The following ZHX3 variants were observed in gnomAD, a reference collection of about 807,000 sequenced individuals.
ZHX3 encodes the protein zinc fingers and homeoboxes 3, also known as zinc fingers and homeoboxes protein 3.
ZHX3 carries 20 observed loss-of-function variants against 64.5 expected under a neutral mutation model. The observed-to-expected ratio is 0.31, with a 90% CI of 0.22 to 0.45. The LOEUF (loss-of-function observed/expected upper bound fraction) is 0.45. ZHX3 is among the 20% of genes least tolerant of loss of function. ZHX3 has a pLI of 1.00. For synonymous variants in ZHX3, 423 were observed against 461.6 expected (o/e 0.92, Z 1.07); for missense variants, 1,041 against 1,195.8 (o/e 0.87, Z 1.91).
At chr20:41,305,955 T>G (rs149162826) in intron 1 of ZHX3, among the ~76,000 whole-genome samples, 1 of 152,272 alleles carries the variant, frequency 6.6e-6, no homozygotes, top group East Asian at 1.9e-4. Context: ...TATATTGTGG[T>G]ATGTATTGTA....
Position 41,195,961 on chromosome 20 carries a change from A to G in ZHX3, c.2860+6096T>C, listed in dbSNP as rs2037448286. Among the ~76,000 whole-genome samples, 1 of 152,046 alleles carries G rather than the reference A, an allele frequency of 6.6e-6. No homozygotes were observed. On this transcript the variant is annotated intron_variant, in intron 3 of 3. Transcript: ENST00000683867. The surrounding 1 kb of genome is among the most constrained non-coding windows in gnomAD (Gnocchi z 4.2). ...ACTGTAACTGGAATGTACTCTGTAT[A>G]ATCTCAGTTTTTAAAAATGTATTAA...
intron 2 of ZHX3, among the ~76,000 whole-genome samples, chr20:41,209,309 T>A (rs940609726): frequency 6.6e-6 from 1 of 152,152 alleles, no homozygotes; most frequent in South Asian, 2.1e-4. Context: ...AAGCTACCAA[T>A]GACTTTCTTC....
chr20:41,204,297 G>C lies in ZHX3; in HGVS notation c.620C>G (p.Pro207Arg). The C allele has an allele frequency of 6.2e-7, 1 of 1,614,192 alleles. No homozygotes were observed. The highest frequency in any genetic ancestry group is 2.2e-5 in the East Asian group (1 of 44,878). ...KKIHTLKENV[P>R]SQPVGEALPK... ...TAAGGCCTCACCCACAGGCTGGCTAGGGACATTCTCCTTGAGTGTATGAAT... is the reference window on the plus strand; with the variant it reads ...TAAGGCCTCACCCACAGGCTGGCTACGGACATTCTCCTTGAGTGTATGAAT... Residue 207 changes from proline (P) to arginine (R), a missense_variant, in exon 3 of 4, where the codon CCT becomes CGT. Transcript: ENST00000683867. The surrounding 1 kb of genome is among the most constrained non-coding windows in gnomAD (Gnocchi z 6.6).
chr20:41,306,275 T>C (rs1306464806), intron 1 of ZHX3, among the ~76,000 whole-genome samples: 3 of 152,258 alleles, frequency 2.0e-5, no homozygotes, highest in Non-Finnish European at 4.4e-5. Flanking sequence ...TACTCCCAAC[T>C]ATATTTGCAT....
chr20:41,261,283 A>C (rs2042550376), intron 2 of ZHX3, among the ~76,000 whole-genome samples: 1 of 152,212 alleles, frequency 6.6e-6, no homozygotes, highest in Non-Finnish European at 1.5e-5. Flanking sequence ...GAAATGAGAC[A>C]ATCTAAGATA....
chr20:41,300,811 C>A (rs1025499547), intron 1 of ZHX3, among the ~76,000 whole-genome samples: 2 of 152,126 alleles, frequency 1.3e-5, no homozygotes, highest in Non-Finnish European at 2.9e-5. Context: ...CATTTCAGGG[C>A]TGGCCTAAGG....
At chr20:41,252,933 C>A (rs921701924) in intron 2 of ZHX3, among the ~76,000 whole-genome samples, 1 of 152,232 alleles carries the variant, frequency 6.6e-6, no homozygotes, top group Non-Finnish European at 1.5e-5. Context: ...AATTAACAGT[C>A]GACAGGACAT....
rs2038403500 is a variant in ZHX3, at chr20:41,203,238, G to GCCC, written c.1678_1679insGGG (p.Pro560delinsArgAla). ...AATGATGATGGAACTGTGATCTCCA[G>GCCC]GTATCATCGCTCTGGAGCCCTTCAA... On this transcript the variant is annotated protein_altering_variant, in exon 3 of 4. Transcript: ENST00000683867. The surrounding 1 kb of genome is among the most constrained non-coding windows in gnomAD (Gnocchi z 7.1). The GCCC allele has an allele frequency of 6.2e-7, 1 of 1,614,034 alleles. No individual in the cohort carries two copies. Among genetic ancestry groups the GCCC allele is most frequent in the African/African-American group, 1.3e-5 (1 of 74,900 alleles).
chr20:41,258,792 A>G (rs988052151), intron 2 of ZHX3, among the ~76,000 whole-genome samples: 1 of 152,096 alleles, frequency 6.6e-6, no homozygotes, highest in Non-Finnish European at 1.5e-5. Flanking sequence ...CTTTATAGTT[A>G]ATTAACACGT....
chr20:41,248,873 G>A (rs952193890), intron 2 of ZHX3, among the ~76,000 whole-genome samples: 6 of 152,184 alleles, frequency 3.9e-5, no homozygotes, highest in African/African-American at 1.4e-4. Flanking sequence ...CCCCCTGACA[G>A]TGTTTTTGCA....
Position 41,183,409 on chromosome 20 carries a change from T to C in ZHX3, c.*1782A>G, listed in dbSNP as rs568807389. On this transcript the variant is annotated 3_prime_UTR_variant, in exon 4 of 4. Transcript: ENST00000683867. The surrounding 1 kb of genome is among the most constrained non-coding windows in gnomAD (Gnocchi z 5.3). ...TGAGACAAATAAGATGTGGTCCCTA[T>C]TGGGACAGGGAGGGCAGAAGATGAC... is the stretch of plus-strand genomic sequence containing the variant. The C allele has an allele frequency of 3.2e-4, 49 of 152,320 alleles. No individual in the cohort carries two copies. The highest frequency in any genetic ancestry group is 1.2e-3 in the African/African-American group (48 of 41,570). 9.4% of individuals were successfully genotyped at this position (152,320 alleles called of 1,614,324 possible).
At chr20:41,196,475 T>TATATATTATAAA (rs71309661) in intron 3 of ZHX3, among the ~76,000 whole-genome samples, 4 of 37,110 alleles carry the variant, frequency 1.1e-4, no homozygotes, top group Admixed American at 4.9e-4. Context: ...TAATATATAT[T>TATATATTATAAA]TATATATTAT....
At position 41,202,285 on chromosome 20, in the gene ZHX3, G is replaced by C. The variant is rs947605617; in HGVS notation, c.2632C>G (p.Gln878Glu). The change falls in exon 3 of 4, where the codon CAG becomes GAG. Residue 878 changes from glutamine to glutamate, a missense_variant. Coordinates refer to ENST00000683867, the MANE Select transcript of ZHX3 (RefSeq NM_001384317.1). The surrounding 1 kb of genome is among the most constrained non-coding windows in gnomAD (Gnocchi z 7.0). ...TTCTCAGCAAACCACTGCTTGACCTGCTGGGAGCTCATCTGGGTCTTGTCA... is the reference window on the plus strand; with the variant it reads ...TTCTCAGCAAACCACTGCTTGACCTCCTGGGAGCTCATCTGGGTCTTGTCA... ...LCDKTQMSSQ[Q>E]VKQWFAEKMG... 3.7e-6 allele frequency: 6 copies of C among 1,614,016 alleles called. No individual in the cohort carries two copies. Among genetic ancestry groups the C allele is most frequent in the Non-Finnish European group, 5.1e-6 (6 of 1,180,028 alleles).
rs1229754351 is a variant in ZHX3, at chr20:41,298,951, A to C, written c.-245+18558T>G. Among the ~76,000 whole-genome samples, 4 of 144,694 alleles carry C rather than the reference A, an allele frequency of 2.8e-5. No individual in the cohort carries two copies. In the East Asian group the frequency reaches 7.8e-4, roughly 28 times the overall value. The allele number at this position is 144,694 out of a possible 152,430, so 94.9% of individuals were successfully genotyped here. A position where few individuals can be genotyped will look rare whatever the true frequency, so the allele number is the denominator to read the frequency against. On this transcript the variant is annotated intron_variant, in intron 1 of 3. Transcript: ENST00000683867. ...CTATGAGGAAGACTGTTCTTGTGCT[A>C]ACCAAGAGGTGTCCCCTACGTAAGA...
intron 2 of ZHX3, among the ~76,000 whole-genome samples, chr20:41,259,008 C>T (rs6129786): frequency 6.6e-6 from 1 of 151,430 alleles, no homozygotes; most frequent in Non-Finnish European, 1.5e-5. Flanking sequence ...TAAAAAAAAA[C>T]CACATTTTCA....
Position 41,219,143 on chromosome 20 carries a change from A to G in ZHX3, c.-150-14077T>C, listed in dbSNP as rs1021431868. Among the ~76,000 whole-genome samples, 1 of 150,340 alleles carries G rather than the reference A, an allele frequency of 6.7e-6. No homozygotes were observed. Reference sequence around the variant, plus strand: ...ACGGGTTTTCACCGTGTTAGCGAGCATGGTCTCGATCTCCTGACCTCGTGA... The same window carrying G: ...ACGGGTTTTCACCGTGTTAGCGAGCGTGGTCTCGATCTCCTGACCTCGTGA... On this transcript the variant is annotated intron_variant, in intron 2 of 3. Transcript: ENST00000683867. This position sits in a 1 kb window ranked among gnomAD's most constrained non-coding sequence, Gnocchi z 5.0.
chr20:41,268,737 A>C (rs2042983911), intron 2 of ZHX3, among the ~76,000 whole-genome samples: 1 of 152,256 alleles, frequency 6.6e-6, no homozygotes, highest in Non-Finnish European at 1.5e-5. Flanking sequence ...CCTATAACAG[A>C]TTCCTATCAG....
In ZHX3 at chr20:41,185,425, TGAGAGA is replaced by T. The variant is rs1453557903; in HGVS notation, c.2861-230_2861-225del. ...AACCTTGTAAGGCCATCAGACTCTC[TGAGAGA>T]CCCTGCTAAACCCTAGGCCTAGCAG... On this transcript the variant is annotated intron_variant, in intron 3 of 3. Transcript: ENST00000683867. The surrounding 1 kb of genome is among the most constrained non-coding windows in gnomAD (Gnocchi z 5.0). The T allele has an allele frequency of 1.6e-6, 1 of 609,110 alleles. No homozygotes were observed. Among genetic ancestry groups the T allele is most frequent in the African/African-American group, 1.9e-5 (1 of 53,996 alleles). The allele number at this position is 609,110 out of a possible 1,614,324, so 37.7% of individuals were successfully genotyped here. A position where few individuals can be genotyped will look rare whatever the true frequency, so the allele number is the denominator to read the frequency against.
intron 2 of ZHX3, chr20:41,238,888 T>C (rs2041187265): frequency 6.6e-6 from 1 of 150,986 alleles, no homozygotes; most frequent in African/African-American, 2.4e-5. Context: ...AGGGCTTACA[T>C]AATAAAGGTG....
Sources: gnomAD v4.1 joint callset for allele counts (sites outside exome capture counted in the v4.1 genomes callset) on GRCh38, gnomAD v4.1.1 for gene constraint, Gnocchi (gnomAD v3.1) non-coding constraint, MANE v1.5 for transcripts, NCBI Gene and HGNC (gene_info 2026-07-23, HGNC 2026-07-21) for gene names.